NBAS: variants seen among roughly 807,000 people sequenced by gnomAD.
The protein encoded by NBAS is NAG/BC035112 fusion.
A neutral mutation model predicts 302.5 loss-of-function variants in NBAS; 219 were observed. The ratio of observed to expected loss-of-function variants is 0.72; its 90% CI spans 0.65 to 0.81. NBAS has a LOEUF of 0.81. Ranked by LOEUF, NBAS falls within the 30% of genes least tolerant of loss-of-function variation. The pLI is 0.00. For synonymous variants in NBAS, 1,118 were observed against 1,021.6 expected, an observed-to-expected ratio of 1.09 and a Z score of -1.80; for missense variants, 2,932 against 2,841.6, an observed-to-expected ratio of 1.03 and a Z score of -0.72.
chr2:15,115,953 T>A, the NBAS span, among the ~76,000 whole-genome samples: 1 of 152,188 alleles, frequency 6.6e-6, no homozygotes, highest in East Asian at 1.9e-4. Flanking sequence ...ATCTACTCCT[T>A]CCTCATTTGT....
At chr2:15,297,230 C>T (rs188575067) in intron 40 of NBAS, among the ~76,000 whole-genome samples, 7 of 152,278 alleles carry the variant, frequency 4.6e-5, no homozygotes, top group Admixed American at 2.0e-4. Context: ...GCTATGACTC[C>T]CATGCATAAT....
At chr2:15,166,521 C>T (rs1664026339), downstream of NBAS, among the ~76,000 whole-genome samples, 1 of 152,146 alleles carries the variant, frequency 6.6e-6, no homozygotes, top group Non-Finnish European at 1.5e-5. Flanking sequence ...CACACACAAC[C>T]CCACATAATA....
At chr2:15,120,167 G>A in the NBAS span, among the ~76,000 whole-genome samples, 5 of 152,212 alleles carry the variant, frequency 3.3e-5, no homozygotes, top group Non-Finnish European at 7.3e-5. Flanking sequence ...CTTAAAACCT[G>A]TCTGGACATA....
the NBAS span, among the ~76,000 whole-genome samples, chr2:15,157,092 A>G: frequency 2.6e-5 from 4 of 152,308 alleles, no homozygotes; most frequent in South Asian, 8.3e-4. Context: ...TGGATCCCAT[A>G]GTTAAGAACT....
At chr2:15,446,811 A>G (rs1678770256) in intron 21 of NBAS, among the ~76,000 whole-genome samples, 1 of 152,100 alleles carries the variant, frequency 6.6e-6, no homozygotes, top group African/African-American at 2.4e-5. Context: ...TACATGAAGT[A>G]CTAGTAAACT....
At position 15,232,409 on chromosome 2, in the gene NBAS, G is replaced by A. The variant is rs776029421; in HGVS notation, c.6236+13C>T. On this transcript the variant is annotated intron_variant, in intron 47 of 51. Transcript: ENST00000281513. ...GCCAGTTAATGAAGATGCACATACT[G>A]TTCTAGTCTTACCCCTTGTCCACAC... The A allele has an allele frequency of 6.2e-7, 1 of 1,610,986 alleles. No homozygotes were observed. Among genetic ancestry groups the A allele is most frequent in the African/African-American group, 1.3e-5 (1 of 74,826 alleles).
At chr2:15,290,690 C>T (rs1013658355) in intron 41 of NBAS, among the ~76,000 whole-genome samples, 2 of 152,144 alleles carry the variant, frequency 1.3e-5, no homozygotes, top group Non-Finnish European at 2.9e-5. Context: ...GATTCCTTTT[C>T]TTAAAAGTCA....
At chr2:15,317,060 A>C (rs1173546020) in intron 38 of NBAS, among the ~76,000 whole-genome samples, 1 of 152,216 alleles carries the variant, frequency 6.6e-6, no homozygotes, top group Non-Finnish European at 1.5e-5. Flanking sequence ...GCTGTGCTGC[A>C]ATATTTGCTG....
At chr2:15,211,217 C>T (rs901753443) in intron 48 of NBAS, among the ~76,000 whole-genome samples, 1 of 152,020 alleles carries the variant, frequency 6.6e-6, no homozygotes, top group Non-Finnish European at 1.5e-5. Flanking sequence ...ATGCCTGTAT[C>T]AAGATATCTC....
intron 51 of NBAS, among the ~76,000 whole-genome samples, chr2:15,177,314 G>T (rs1304712589): frequency 6.6e-6 from 1 of 152,132 alleles, no homozygotes; most frequent in Non-Finnish European, 1.5e-5. Context: ...GCACTGCAGT[G>T]TTACCATTTA....
At chr2:15,122,962 T>C in the NBAS span, among the ~76,000 whole-genome samples, 17 of 152,272 alleles carry the variant, frequency 1.1e-4, no homozygotes, top group South Asian at 3.3e-3. Flanking sequence ...ACATTCCCTC[T>C]TGCTGGGTGA....
intron 35 of NBAS, among the ~76,000 whole-genome samples, chr2:15,336,049 T>C (rs937303513): frequency 6.6e-6 from 1 of 151,152 alleles, no homozygotes; most frequent in Admixed American, 6.6e-5. Flanking sequence ...TGAGCTGTGA[T>C]CATGCCACTG....
the NBAS span, among the ~76,000 whole-genome samples, chr2:15,140,192 G>A: frequency 1.1e-4 from 17 of 152,254 alleles, no homozygotes; most frequent in African/African-American, 1.9e-4. Flanking sequence ...TGAATAGCCC[G>A]CCTCAACCGT....
the NBAS span, among the ~76,000 whole-genome samples, chr2:14,962,582 A>G: frequency 1.3e-5 from 2 of 152,084 alleles, no homozygotes; most frequent in Admixed American, 1.3e-4. Flanking sequence ...TTGTTATCAC[A>G]CTTTACCAAA....
chr2:14,793,975 G>T, the NBAS span, among the ~76,000 whole-genome samples: 1 of 152,160 alleles, frequency 6.6e-6, no homozygotes, highest in Middle Eastern at 3.4e-3. Context: ...GAATGAAGTA[G>T]AAATACAAAC....
At chr2:14,867,404 ACC>A in the NBAS span, among the ~76,000 whole-genome samples, 1 of 152,180 alleles carries the variant, frequency 6.6e-6, no homozygotes, top group Non-Finnish European at 1.5e-5. Flanking sequence ...TTGGGGTAAG[ACC>A]TGAGCAATTG....
At chr2:15,416,973 G>A (rs1248655300) in intron 24 of NBAS, among the ~76,000 whole-genome samples, 1 of 152,140 alleles carries the variant, frequency 6.6e-6, no homozygotes, top group Non-Finnish European at 1.5e-5. Context: ...CAAAAGACTA[G>A]AAAGAGCGTT....
rs1036893526 is a variant in NBAS at position 15,426,609 on chromosome 2, T to G, written c.2423+1102A>C. 2.6e-5 allele frequency among the ~76,000 whole-genome samples: 4 copies of G among 152,244 alleles called. No homozygotes were observed. The South Asian group carries it at 8.3e-4, about 32-fold the overall frequency. On this transcript the variant is annotated intron_variant, in intron 22 of 51. Coordinates refer to ENST00000281513, the MANE Select transcript of NBAS (RefSeq NM_015909.4). ...TTTTAATGTCCTAAATTTCTCTTAA[T>G]TCTGTTTCTATTTTATACAATGCTA... is the stretch of plus-strand genomic sequence containing the variant.
At chr2:15,235,510 C>T (rs1667552856) in intron 45 of NBAS, among the ~76,000 whole-genome samples, 1 of 152,164 alleles carries the variant, frequency 6.6e-6, no homozygotes, top group South Asian at 2.1e-4. Flanking sequence ...TATAGTTTCC[C>T]TTGTAATCCT....
Sources: allele counts gnomAD v4.1 joint callset (sites outside exome capture counted in the v4.1 genomes callset), GRCh38; gene constraint gnomAD v4.1.1; transcripts MANE v1.5; gene names NCBI Gene and HGNC (gene_info 2026-07-23, HGNC 2026-07-21).